SLC31A1: variants seen among roughly 807,000 people sequenced by gnomAD.
SLC31A1 encodes high affinity copper uptake protein 1.
SLC31A1 carries 5 observed loss-of-function variants against 17.2 expected under a neutral mutation model. The ratio of observed to expected loss-of-function variants is 0.29; its 90% CI spans 0.15 to 0.61. The LOEUF is 0.61. Among genes scored for constraint, SLC31A1 ranks in the 20% least tolerant of loss-of-function variants. SLC31A1 has a pLI of 0.86. For synonymous variants in SLC31A1, 76 were observed against 78.8 expected (o/e 0.96, Z 0.19); for missense variants, 161 against 241.4 (o/e 0.67, Z 2.21).
chr9:113,261,879 C>G lies in SLC31A1; in HGVS notation c.*1406C>G, dbSNP rs546567758. On this transcript the variant is annotated 3_prime_UTR_variant, in exon 5 of 5. Coordinates refer to ENST00000374212, the MANE Select transcript of SLC31A1 (RefSeq NM_001859.4). ...AATTGCTGATTGGTAGATGGTGTGT[C>G]TGGACTTAACTCACGTAGTAAATAC... 3 of 152,638 alleles carry G rather than the reference C, an allele frequency of 2.0e-5. No individual in the cohort carries two copies. Among genetic ancestry groups the G allele is most frequent in the African/African-American group, 7.2e-5 (3 of 41,444 alleles). 9.5% of individuals were successfully genotyped at this position (152,638 alleles called of 1,614,324 possible).
At chr9:113,239,147 A>G (rs184870341) in intron 1 of SLC31A1, among the ~76,000 whole-genome samples, 29 of 152,064 alleles carry the variant, frequency 1.9e-4, no homozygotes, top group Non-Finnish European at 3.4e-4. Context: ...AAATTAGTAG[A>G]GCCGGGATTT....
chr9:113,260,670 T>C lies in SLC31A1; in HGVS notation c.*197T>C, dbSNP rs1831783133. 1.6e-6 allele frequency: 1 copy of C among 616,426 alleles called. No homozygotes were observed. The highest frequency in any genetic ancestry group is 2.9e-6 in the Non-Finnish European group (1 of 340,186). 38.2% of individuals were successfully genotyped at this position (616,426 alleles called of 1,614,324 possible). ...TGAACTAAAGTAGTAACCTCCCAAA[T>C]TGTTTTTTCTAATAAGCTGAGATTC... On this transcript the variant is annotated 3_prime_UTR_variant, in exon 5 of 5. Transcript: ENST00000374212.
intron 1 of SLC31A1, among the ~76,000 whole-genome samples, chr9:113,241,570 C>T (rs555604081): frequency 6.6e-6 from 1 of 152,282 alleles, no homozygotes; most frequent in African/African-American, 2.4e-5. Flanking sequence ...CCTTCCAATT[C>T]TTAGTGGGAT....
At chr9:113,252,651 G>A (rs1831668286) in intron 1 of SLC31A1, among the ~76,000 whole-genome samples, 1 of 152,140 alleles carries the variant, frequency 6.6e-6, no homozygotes, top group African/African-American at 2.4e-5. Context: ...AATTATGACT[G>A]TTCAGTTTCC....
intron 1 of SLC31A1, among the ~76,000 whole-genome samples, chr9:113,234,436 C>G (rs1203059061): frequency 1.3e-5 from 2 of 149,362 alleles, no homozygotes; most frequent in African/African-American, 4.9e-5. Flanking sequence ...CTCAGCCTCC[C>G]AAAGTGCTGG....
chr9:113,248,773 G>A (rs77265263), intron 1 of SLC31A1, among the ~76,000 whole-genome samples: 9 of 152,102 alleles, frequency 5.9e-5, no homozygotes, highest in African/African-American at 9.6e-5. Context: ...GCCACTGTGC[G>A]CAGGCTTGAA....
chr9:113,230,074 A>G (rs1831384889), intron 1 of SLC31A1, among the ~76,000 whole-genome samples: 1 of 152,226 alleles, frequency 6.6e-6, no homozygotes, highest in African/African-American at 2.4e-5. Flanking sequence ...GGGAGTGAAG[A>G]TGGAAAGATG....
chr9:113,225,943 G>T (rs556976653), intron 1 of SLC31A1, among the ~76,000 whole-genome samples: 1 of 152,236 alleles, frequency 6.6e-6, no homozygotes, highest in East Asian at 1.9e-4. Flanking sequence ...AGACCAGCCT[G>T]GCCAACATGG....
At chr9:113,256,741 G>A (rs1831732790) in intron 2 of SLC31A1, among the ~76,000 whole-genome samples, 1 of 151,880 alleles carries the variant, frequency 6.6e-6, no homozygotes, top group South Asian at 2.1e-4. Flanking sequence ...TTCGCCTGTA[G>A]TCCCAGCTAC....
intron 1 of SLC31A1, among the ~76,000 whole-genome samples, chr9:113,251,279 G>C (rs76877608): frequency 0.15 from 22,353 of 152,016 alleles, 1,919 homozygotes; most frequent in East Asian, 0.34. Context: ...AAAATTAGCT[G>C]GGCATGGTGG....
intron 1 of SLC31A1, among the ~76,000 whole-genome samples, chr9:113,246,149 C>G (rs1383196559): frequency 1.3e-5 from 2 of 152,054 alleles, no homozygotes; most frequent in African/African-American, 2.4e-5. Flanking sequence ...TTCCCAGGCA[C>G]AAGCGATCCT....
intron 1 of SLC31A1, among the ~76,000 whole-genome samples, chr9:113,232,792 C>T (rs1276639379): frequency 6.6e-6 from 1 of 151,552 alleles, no homozygotes; most frequent in African/African-American, 2.4e-5. Flanking sequence ...TGCAGTGAGC[C>T]GAGATCGCAC....
At chr9:113,253,552 ATTTTTT>A (rs71491085) in intron 1 of SLC31A1, among the ~76,000 whole-genome samples, 12 of 128,802 alleles carry the variant, frequency 9.3e-5, no homozygotes, top group Middle Eastern at 4.4e-3. Flanking sequence ...GAGCTCTGTA[ATTTTTT>A]TTTTTTTTTT....
At chr9:113,253,110 T>C (rs924028654) in intron 1 of SLC31A1, among the ~76,000 whole-genome samples, 1 of 151,960 alleles carries the variant, frequency 6.6e-6, no homozygotes, top group Non-Finnish European at 1.5e-5. Flanking sequence ...CCCGCCACCA[T>C]GCCCGGCTAA....
chr9:113,231,832 A>G (rs757112427), intron 1 of SLC31A1, among the ~76,000 whole-genome samples: 1 of 152,172 alleles, frequency 6.6e-6, no homozygotes, highest in African/African-American at 2.4e-5. Context: ...AAACTTGTCT[A>G]TGGGCCATAC....
Position 113,262,288 on chromosome 9 carries a change from C to T in SLC31A1, c.*1815C>T, listed in dbSNP as rs1831802178. ...TTAATTACATTACAAGTGGCCAAAA[C>T]CCCTGTTCTCAGTGAAGAACCACAT... On this transcript the variant is annotated 3_prime_UTR_variant, in exon 5 of 5. Transcript: ENST00000374212. 6.6e-6 allele frequency: 1 copy of T among 152,648 alleles called. No homozygotes were observed. The highest frequency in any genetic ancestry group is 2.1e-4 in the South Asian group (1 of 4,834). 9.5% of individuals were successfully genotyped at this position (152,648 alleles called of 1,614,324 possible).
chr9:113,238,840 G>A (rs1202572753), intron 1 of SLC31A1, among the ~76,000 whole-genome samples: 1 of 152,172 alleles, frequency 6.6e-6, no homozygotes, highest in Non-Finnish European at 1.5e-5. Flanking sequence ...GATGAGGTAT[G>A]AGTGACAAGT....
In SLC31A1 at chr9:113,263,368, G is replaced by T. The variant is rs929285415; in HGVS notation, c.*2895G>T. The T allele has an allele frequency of 1.3e-5, 2 of 152,448 alleles. No individual in the cohort carries two copies. Among genetic ancestry groups the T allele is most frequent in the Non-Finnish European group, 2.9e-5 (2 of 68,042 alleles). The allele number at this position is 152,448 out of a possible 1,614,324, so 9.4% of individuals were successfully genotyped here. The stretch of plus-strand genomic sequence containing the variant: ...AAATTCCATCTTGAGCTCTTGGATT[G>T]TGATAATACAATGATTTCATTAACT... On this transcript the variant is annotated 3_prime_UTR_variant, in exon 5 of 5. Transcript: ENST00000374212.
At chr9:113,233,580 C>G (rs1385006322) in intron 1 of SLC31A1, among the ~76,000 whole-genome samples, 1 of 152,192 alleles carries the variant, frequency 6.6e-6, no homozygotes, top group Non-Finnish European at 1.5e-5. Flanking sequence ...AGAGATTTTA[C>G]TTACACAGTG....
Sources: gnomAD v4.1 joint callset for allele counts (sites outside exome capture counted in the v4.1 genomes callset) on GRCh38, gnomAD v4.1.1 for gene constraint, MANE v1.5 for transcripts, NCBI Gene and HGNC (gene_info 2026-07-23, HGNC 2026-07-21) for gene names.